Variants in CADPS2 observed in about 807,000 individuals in gnomAD.
The protein encoded by CADPS2 is calcium dependent secretion activator 2.
In CADPS2, 93 loss-of-function variants were observed where a neutral mutation model predicts 172.5. The observed-to-expected ratio is 0.54, with a 90% CI of 0.46 to 0.64. The LOEUF (loss-of-function observed/expected upper bound fraction) is 0.64. Among genes scored for constraint, CADPS2 ranks in the 30% least tolerant of loss-of-function variants. The pLI, the probability that CADPS2 is intolerant of heterozygous loss-of-function variation, is 0.00. For synonymous variants in CADPS2, 546 were observed against 555.2 expected, an observed-to-expected ratio of 0.98 and a Z score of 0.23; for missense variants, 1,420 against 1,565.9, an observed-to-expected ratio of 0.91 and a Z score of 1.57.
intron 27 of CADPS2, among the ~76,000 whole-genome samples, chr7:122,347,413 A>G (rs138507246): frequency 1.3e-5 from 2 of 152,246 alleles, no homozygotes; most frequent in African/African-American, 2.4e-5. Flanking sequence ...TTTTTGTTAC[A>G]AAGTTATTTC....
At position 122,530,953 on chromosome 7, in the gene CADPS2, A is replaced by G. The variant is rs183054903; in HGVS notation, c.1476-17638T>C. Among the ~76,000 whole-genome samples the G allele has an allele frequency of 1.2e-3, 189 of 152,282 alleles. 1 individual carries two copies. Among genetic ancestry groups the G allele is most frequent in the African/African-American group, 4.2e-3 (176 of 41,560 alleles). On this transcript the variant is annotated intron_variant, in intron 8 of 29. Transcript: ENST00000449022. ...TGTGAATGGGAAAGTGTTCACATGT[A>G]TAGAATGCCATCCCTGGTGGGCGTA...
intron 8 of CADPS2, among the ~76,000 whole-genome samples, chr7:122,549,141 A>T (rs2063934641): frequency 6.6e-6 from 1 of 152,132 alleles, no homozygotes; most frequent in Non-Finnish European, 1.5e-5. Context: ...TCACGTCTGT[A>T]TTTCCAGCAC....
In CADPS2 at chr7:122,811,506, A is replaced by T. The variant is rs530345491; in HGVS notation, c.340-74438T>A. 7.9e-5 allele frequency among the ~76,000 whole-genome samples: 12 copies of T among 152,280 alleles called. No homozygotes were observed. The South Asian group carries it at 2.3e-3, about 29-fold the overall frequency. ...ATAATTTTTCATGTTTTTACATATTATGCCATTTATTTTTAAAGTAATTTA... is the reference window on the plus strand; with the variant it reads ...ATAATTTTTCATGTTTTTACATATTTTGCCATTTATTTTTAAAGTAATTTA... On this transcript the variant is annotated intron_variant, in intron 1 of 29. Coordinates refer to ENST00000449022, the MANE Select transcript of CADPS2 (RefSeq NM_017954.11).
chr7:122,866,606 CAGG>C (rs1225640122), intron 1 of CADPS2, among the ~76,000 whole-genome samples: 1 of 152,120 alleles, frequency 6.6e-6, no homozygotes, highest in Non-Finnish European at 1.5e-5. Flanking sequence ...GATGCTGAAG[CAGG>C]AGAATTGCTT....
chr7:122,432,643 T>TAAAAAAAAA (rs57311950), intron 17 of CADPS2, among the ~76,000 whole-genome samples: 79 of 107,738 alleles, frequency 7.3e-4, no homozygotes, highest in African/African-American at 1.0e-3. Context: ...TCTGTTAAAA[T>TAAAAAAAAA]AAAAAAAAAA....
chr7:122,673,271 CCTG>C (rs890731039), intron 2 of CADPS2, among the ~76,000 whole-genome samples: 5 of 152,214 alleles, frequency 3.3e-5, no homozygotes, highest in Admixed American at 2.0e-4. Flanking sequence ...GCTCTGGCAG[CCTG>C]CTTTTATTCC....
In CADPS2 at chr7:122,447,543, A is replaced by ATTTTTTTTTT. The variant is rs1159112244; in HGVS notation, c.2288+3821_2288+3830dup. Among the ~76,000 whole-genome samples the ATTTTTTTTTT allele has an allele frequency of 7.4e-3, 662 of 89,756 alleles. 99 individuals are homozygous for ATTTTTTTTTT. Among genetic ancestry groups the ATTTTTTTTTT allele is most frequent in the Non-Finnish European group, 0.011 (494 of 44,626 alleles). 58.9% of individuals were successfully genotyped at this position (89,756 alleles called of 152,430 possible). On this transcript the variant is annotated intron_variant, in intron 15 of 29. Coordinates refer to ENST00000449022, the MANE Select transcript of CADPS2 (RefSeq NM_017954.11). ...CCATGTTGATTTCTTGTTTCGGGGA[A>ATTTTTTTTTT]TTTTTTTTTTTTTTTTTTTTTTTTT...
intron 17 of CADPS2, among the ~76,000 whole-genome samples, chr7:122,433,968 T>G (rs1157034494): frequency 6.6e-6 from 1 of 152,164 alleles, no homozygotes; most frequent in Non-Finnish European, 1.5e-5. Flanking sequence ...GGAAGAAGCA[T>G]AGCTTCTGGA....
intron 1 of CADPS2, among the ~76,000 whole-genome samples, chr7:122,738,636 T>G (rs1050347164): frequency 5.9e-5 from 9 of 152,188 alleles, no homozygotes; most frequent in African/African-American, 2.2e-4. Context: ...AACAAACTGG[T>G]ATGACTTGGC....
intron 25 of CADPS2, among the ~76,000 whole-genome samples, chr7:122,373,108 C>T (rs1217829546): frequency 6.6e-6 from 1 of 152,090 alleles, no homozygotes; most frequent in Non-Finnish European, 1.5e-5. Flanking sequence ...ACAGTAGGTA[C>T]TTCATAACTC....
chr7:122,331,192 T>C (rs886807441), intron 28 of CADPS2: 1 of 152,110 alleles, frequency 6.6e-6, no homozygotes, highest in African/African-American at 2.4e-5. Context: ...GGCCTCTTAA[T>C]GTATAGACAT....
intron 9 of CADPS2, among the ~76,000 whole-genome samples, chr7:122,499,925 A>G (rs1039601849): frequency 2.0e-5 from 3 of 152,158 alleles, no homozygotes; most frequent in Admixed American, 2.0e-4. Context: ...ACATCACCAC[A>G]TGAACAATCT....
At chr7:122,338,148 G>A (rs1190279924) in intron 28 of CADPS2, among the ~76,000 whole-genome samples, 1 of 152,170 alleles carries the variant, frequency 6.6e-6, no homozygotes, top group African/African-American at 2.4e-5. Flanking sequence ...TGTAATCCCA[G>A]CATTTTGAGA....
intron 2 of CADPS2, among the ~76,000 whole-genome samples, chr7:122,710,690 A>G (rs1225739818): frequency 6.6e-6 from 1 of 152,050 alleles, no homozygotes; most frequent in African/African-American, 2.4e-5. Context: ...AATTCCCATC[A>G]TCTTTACAGA....
chr7:122,552,450 T>C (rs1563679569), intron 8 of CADPS2, among the ~76,000 whole-genome samples: 1 of 152,148 alleles, frequency 6.6e-6, no homozygotes. Context: ...GTCTTTTCCT[T>C]CACCTTTAGT....
chr7:122,399,780 G>A (rs1436166767), intron 20 of CADPS2, among the ~76,000 whole-genome samples: 2 of 138,974 alleles, frequency 1.4e-5, no homozygotes, highest in East Asian at 2.3e-4. Flanking sequence ...TCCGCCTCCC[G>A]GGTTCACGCC....
intron 7 of CADPS2, among the ~76,000 whole-genome samples, chr7:122,559,797 A>C (rs1158311118): frequency 6.6e-6 from 1 of 151,516 alleles, no homozygotes; most frequent in Non-Finnish European, 1.5e-5. Flanking sequence ...AAAAAAGGAA[A>C]AGAAAAAGAG....
chr7:122,382,197 T>C (rs2043098945), intron 24 of CADPS2: 1 of 152,170 alleles, frequency 6.6e-6, no homozygotes, highest in Non-Finnish European at 1.5e-5. Flanking sequence ...CTAAAAAATG[T>C]ATTAAATAAT....
intron 22 of CADPS2, among the ~76,000 whole-genome samples, chr7:122,389,964 G>GA (rs35620625): frequency 1.3e-5 from 2 of 151,834 alleles, no homozygotes; most frequent in African/African-American, 4.8e-5. Context: ...AGCTAGCTTA[G>GA]AAAAAAAGGC....
Sources: gnomAD v4.1 joint callset for allele counts (sites outside exome capture counted in the v4.1 genomes callset) on GRCh38, gnomAD v4.1.1 for gene constraint, MANE v1.5 for transcripts, NCBI Gene and HGNC (gene_info 2026-07-23, HGNC 2026-07-21) for gene names.